DYNLT5: variants seen among roughly 807,000 people sequenced by gnomAD.
DYNLT5 encodes the protein dynein light chain Tctex-type 5.
A neutral mutation model predicts 19.3 loss-of-function variants in DYNLT5; 25 were observed. The observed-to-expected ratio is 1.30, with a 90% CI of 0.95 to 1.81. The LOEUF is 1.81. Among genes scored for constraint, DYNLT5 ranks in the 40% most tolerant of loss-of-function variants. DYNLT5 has a pLI of 0.00. For missense variants in DYNLT5, 232 were observed against 217.9 expected (o/e 1.06, Z -0.41); for synonymous variants, 82 against 68.9 (o/e 1.19, Z -0.94).
intron 2 of DYNLT5, among the ~76,000 whole-genome samples, chr1:66,762,065 C>G (rs2094646875): frequency 6.6e-6 from 1 of 151,902 alleles, no homozygotes; most frequent in African/African-American, 2.4e-5. Flanking sequence ...TTTCTTTGCT[C>G]ATTTGTAAGA....
intron 3 of DYNLT5, chr1:66,775,413 G>T (rs1645228553): frequency 6.6e-6 from 1 of 152,100 alleles, no homozygotes; most frequent in African/African-American, 2.4e-5. Flanking sequence ...TATTATATAT[G>T]TATACAATAT....
chr1:66,774,277 T>C (rs1490611852), intron 3 of DYNLT5, among the ~76,000 whole-genome samples: 1 of 152,106 alleles, frequency 6.6e-6, no homozygotes, highest in Non-Finnish European at 1.5e-5. Flanking sequence ...TTTTCCTACT[T>C]GCAGTTTAAA....
chr1:66,770,410 T>C lies in DYNLT5; in HGVS notation c.143T>C (p.Met48Thr), dbSNP rs1185371833. 2.5e-6 allele frequency: 4 copies of C among 1,613,118 alleles called. No individual in the cohort carries two copies. Among genetic ancestry groups the C allele is most frequent in the Admixed American group, 1.7e-5 (1 of 59,978 alleles). The stretch of plus-strand genomic sequence containing the variant: ...AGTTCTATGAGTACTGTGTCTTATA[T>C]GGAAGAACCCAGTCAGCGTGATGAT... ...IKDSMSTVSYMEEPSQRDDIS... is the reference protein window; with the variant it reads ...IKDSMSTVSYTEEPSQRDDIS... The change falls in exon 3 of 5, where the codon ATG (methionine) becomes ACG (threonine). Residue 48 changes from methionine to threonine, a missense_variant. Physicochemically the swap from Met to Thr is moderately conservative, Grantham distance 81 (BLOSUM62 -1). Transcript: ENST00000282670.
At chr1:66,769,621 A>G (rs1030339716) in intron 2 of DYNLT5, among the ~76,000 whole-genome samples, 1 of 151,942 alleles carries the variant, frequency 6.6e-6, no homozygotes, top group African/African-American at 2.4e-5. Flanking sequence ...ACAGGTGGAG[A>G]AAATTGAGGG....
At chr1:66,758,874 G>T (rs755820096) in intron 2 of DYNLT5, among the ~76,000 whole-genome samples, 2 of 152,082 alleles carry the variant, frequency 1.3e-5, no homozygotes, top group Non-Finnish European at 2.9e-5. Context: ...TGAAAATGGT[G>T]CTGCCAGAAC....
At chr1:66,755,386 A>G (rs965926349) in intron 2 of DYNLT5, among the ~76,000 whole-genome samples, 1 of 152,142 alleles carries the variant, frequency 6.6e-6, no homozygotes, top group African/African-American at 2.4e-5. Flanking sequence ...TACATGTTGC[A>G]TCTTCTCTCC....
At position 66,776,289 on chromosome 1, in the gene DYNLT5, A is replaced by G. The variant is rs2150869710; in HGVS notation, c.222A>G (p.Lys74=). 1.2e-6 allele frequency: 2 copies of G among 1,612,106 alleles called. No individual in the cohort carries two copies. Among genetic ancestry groups the G allele is most frequent in the East Asian group, 4.5e-5 (2 of 44,822 alleles). Residue 74 remains lysine, a synonymous_variant, in exon 4 of 5, where the codon AAA becomes AAG. Transcript: ENST00000282670. ...TATGTGTATTTTCAGGTCCTCCCAA[A>G]CATTTTCCTGTGGTCACCGTCAATC... ...MENTYQLGPP[K]HFPVVTVNHI...
chr1:66,769,491 A>T (rs1042731724), intron 2 of DYNLT5, among the ~76,000 whole-genome samples: 4 of 152,174 alleles, frequency 2.6e-5, no homozygotes, highest in Admixed American at 2.6e-4. Flanking sequence ...AAGCAAAAAC[A>T]TAGCCTGCTT....
chr1:66,752,912 G>A (rs902612783), intron 1 of DYNLT5, among the ~76,000 whole-genome samples: 7 of 152,174 alleles, frequency 4.6e-5, no homozygotes, highest in African/African-American at 1.7e-4. Context: ...CCCAACTCTG[G>A]CCTTTCTTGG....
chr1:66,768,353 T>A (rs1312859443), intron 2 of DYNLT5, among the ~76,000 whole-genome samples: 1 of 152,212 alleles, frequency 6.6e-6, no homozygotes, highest in Non-Finnish European at 1.5e-5. Flanking sequence ...TTTTACTTTC[T>A]TCTCTATGTT....
chr1:66,774,492 G>T (rs928868052), intron 3 of DYNLT5, among the ~76,000 whole-genome samples: 1 of 151,852 alleles, frequency 6.6e-6, no homozygotes, highest in Non-Finnish European at 1.5e-5. Context: ...TAAAAATAAC[G>T]ATTTATAGAA....
intron 2 of DYNLT5, among the ~76,000 whole-genome samples, chr1:66,756,230 A>G (rs1160436103): frequency 2.0e-5 from 3 of 152,246 alleles, no homozygotes; most frequent in Non-Finnish European, 1.5e-5. Context: ...CCCAAACAAA[A>G]CATTTAGAAT....
intron 1 of DYNLT5, among the ~76,000 whole-genome samples, chr1:66,754,230 A>G (rs1324414186): frequency 1.3e-5 from 2 of 152,202 alleles, no homozygotes; most frequent in African/African-American, 4.8e-5. Context: ...ACAGAACAAG[A>G]CCCTGTCTCA....
chr1:66,755,942 C>T (rs904725408), intron 2 of DYNLT5, among the ~76,000 whole-genome samples: 2 of 152,236 alleles, frequency 1.3e-5, no homozygotes, highest in South Asian at 2.1e-4. Context: ...ACATAAATTA[C>T]GTACCCATGA....
At chr1:66,763,224 C>T (rs1334022952) in intron 2 of DYNLT5, among the ~76,000 whole-genome samples, 2 of 152,134 alleles carry the variant, frequency 1.3e-5, no homozygotes, top group African/African-American at 4.8e-5. Context: ...CAACAGTGGG[C>T]TTAAAATATT....
At chr1:66,758,509 C>T (rs1013866021) in intron 2 of DYNLT5, among the ~76,000 whole-genome samples, 3 of 152,124 alleles carry the variant, frequency 2.0e-5, no homozygotes, top group Non-Finnish European at 4.4e-5. Flanking sequence ...GTCATGTTAC[C>T]AGAACTTTCT....
rs1645254154 is a variant in DYNLT5 at position 66,778,950 on chromosome 1, C to T, written c.*1496C>T. Among the ~76,000 whole-genome samples, 1 of 152,144 alleles carries T rather than the reference C, an allele frequency of 6.6e-6. No homozygotes were observed. Among genetic ancestry groups the T allele is most frequent in the Admixed American group, 6.5e-5 (1 of 15,276 alleles). On this transcript the variant is annotated 3_prime_UTR_variant, in exon 5 of 5. Transcript: ENST00000282670. ...AAATGAGCTTCATATTTTCATTACA[C>T]ATTGGTGAACATCTCCCTTCGTGGA...
chr1:66,754,652 A>G lies in DYNLT5; in HGVS notation c.-3-4A>G, dbSNP rs756654141. The G allele has an allele frequency of 7.5e-6, 12 of 1,597,412 alleles. No individual in the cohort carries two copies. The highest frequency in any genetic ancestry group is 9.4e-6 in the Non-Finnish European group (11 of 1,174,574). ...TGCTATTTTACAAAAGTCTTCTTCCATAGGTTATGATGATGTCAGACAATG... is the reference window on the plus strand; with the variant it reads ...TGCTATTTTACAAAAGTCTTCTTCCGTAGGTTATGATGATGTCAGACAATG... On this transcript the variant is annotated splice_region_variant and splice_polypyrimidine_tract_variant and intron_variant, in intron 1 of 4. Coordinates refer to ENST00000282670, the MANE Select transcript of DYNLT5 (RefSeq NM_152665.3).
intron 2 of DYNLT5, among the ~76,000 whole-genome samples, chr1:66,757,156 T>C (rs1310339268): frequency 6.6e-6 from 1 of 152,188 alleles, no homozygotes; most frequent in Non-Finnish European, 1.5e-5. Flanking sequence ...ACCACACTTA[T>C]AAGGAGGACA....
Sources: gnomAD v4.1 joint callset for allele counts (sites outside exome capture counted in the v4.1 genomes callset) on GRCh38, gnomAD v4.1.1 for gene constraint, MANE v1.5 for transcripts, NCBI Gene and HGNC (gene_info 2026-07-23, HGNC 2026-07-21) for gene names.